TMEM63B: variants seen among roughly 807,000 people sequenced by gnomAD.
TMEM63B encodes mechanosensitive cation channel TMEM63B.
Under a neutral mutation model 102.6 loss-of-function variants are expected in TMEM63B, and 23 were observed. The ratio of observed to expected loss-of-function variants is 0.22; its 90% CI spans 0.16 to 0.32. TMEM63B has a LOEUF of 0.32. Among genes scored for constraint, TMEM63B ranks in the 10% least tolerant of loss-of-function variants. The pLI is 1.00. For missense variants in TMEM63B, 628 were observed against 1,095.9 expected (o/e 0.57, Z 6.03); for synonymous variants, 444 against 437.0 (o/e 1.02, Z -0.20).
rs1766271869 is a variant in TMEM63B, at chr6:44,150,048, G to A, written c.1520+83G>A. ...TCTCTGGGCAGCACTTTGCCCTTCA[G>A]GCTCCTGGCCCTGGGCAGTCCCACA... On this transcript the variant is annotated intron_variant, in intron 16 of 23. Transcript: ENST00000323267. This position sits in a 1 kb window ranked among gnomAD's most constrained non-coding sequence, Gnocchi z 4.7. 1.4e-6 allele frequency: 2 copies of A among 1,458,194 alleles called. No homozygotes were observed. The highest frequency in any genetic ancestry group is 1.9e-6 in the Non-Finnish European group (2 of 1,059,132). 90.3% of individuals were successfully genotyped at this position (1,458,194 alleles called of 1,614,324 possible). A position where few individuals can be genotyped will look rare whatever the true frequency, so the allele number is the denominator to read the frequency against.
intron 18 of TMEM63B, among the ~76,000 whole-genome samples, chr6:44,151,476 G>A (rs1251078781): frequency 6.6e-6 from 1 of 152,078 alleles, no homozygotes; most frequent in Admixed American, 6.5e-5. Flanking sequence ...GGGGTAACTC[G>A]AGTTATGGTC....
chr6:44,153,565 G>A, intron 20 of TMEM63B, 111 bp from the exon 21 acceptor site: 1 of 1,322,616 alleles, frequency 7.6e-7, no homozygotes, highest in Non-Finnish European at 1.0e-6. Context: ...GCCCGGGCAG[G>A]AGGAGGGGGC....
At chr6:44,140,509 A>G (rs1764010663) in intron 9 of TMEM63B, 149 bp downstream of exon 9, 3 of 707,166 alleles carry the variant, frequency 4.2e-6, no homozygotes, top group Non-Finnish European at 7.7e-6. Context: ...CAAGTTACAT[A>G]ACCTCCCAAG....
At chr6:44,141,626 C>G (rs1333733073) in intron 10 of TMEM63B, among the ~76,000 whole-genome samples, 1 of 152,138 alleles carries the variant, frequency 6.6e-6, no homozygotes, top group African/African-American at 2.4e-5. Flanking sequence ...AGGGAACTTA[C>G]CTGGTCACCC....
At chr6:44,154,499 C>T (rs1767600056) in intron 23 of TMEM63B, 54 bp downstream of exon 23, 16 of 1,604,410 alleles carry the variant, frequency 1.0e-5, no homozygotes, top group Non-Finnish European at 1.3e-5. Context: ...CCTCAAAGCC[C>T]AGTGTTCCCT....
intron 5 of TMEM63B, 97 bp from the exon 6 acceptor site, chr6:44,138,383 C>A: frequency 6.7e-7 from 1 of 1,486,754 alleles, no homozygotes; most frequent in Non-Finnish European, 9.4e-7. Flanking sequence ...GGAAGCTATG[C>A]CTGGAGGTAA....
chr6:44,147,171 C>T (rs1359893844), intron 11 of TMEM63B, among the ~76,000 whole-genome samples: 2 of 152,170 alleles, frequency 1.3e-5, no homozygotes, highest in African/African-American at 4.8e-5. Flanking sequence ...TCTTTGGCTA[C>T]AGTATGAGAA....
At chr6:44,129,424 C>T (rs1777874117) in intron 1 of TMEM63B, among the ~76,000 whole-genome samples, 1 of 151,876 alleles carries the variant, frequency 6.6e-6, no homozygotes, top group African/African-American at 2.4e-5. Context: ...ACTACCACCT[C>T]CTTACAAGTT....
chr6:44,152,079 G>A lies in TMEM63B; in HGVS notation c.1836+71G>A, dbSNP rs1173555027. 3 of 1,505,340 alleles carry A rather than the reference G, an allele frequency of 2.0e-6. No homozygotes were observed. The highest frequency in any genetic ancestry group is 1.2e-5 in the South Asian group (1 of 81,590). 93.2% of individuals were successfully genotyped at this position (1,505,340 alleles called of 1,614,324 possible). On this transcript the variant is annotated intron_variant, in intron 19 of 23. Coordinates refer to ENST00000323267, the MANE Select transcript of TMEM63B (RefSeq NM_018426.3). The surrounding 1 kb of genome is among the most constrained non-coding windows in gnomAD (Gnocchi z 6.4). ...GGCCCAACAAGAAACAGCAGCCATC[G>A]CGCTAGGGTTGAGGGGCACAGGAGG...
chr6:44,139,045 C>G (rs377125329), intron 6 of TMEM63B: 26 of 257,306 alleles, frequency 1.0e-4, no homozygotes, highest in South Asian at 7.9e-4. Flanking sequence ...ATCCTTCCTT[C>G]ACTTCTGCCT....
upstream of TMEM63B, chr6:44,127,152 T>TCCCCTCCCCGTCGGCACC (rs1777196917): frequency 9.2e-6 from 1 of 108,806 alleles, no homozygotes; most frequent in Non-Finnish European, 2.2e-5. Flanking sequence ...GTAAGGGGCC[T>TCCCCTCCCCGTCGGCACC]CCCCTCCCCG....
chr6:44,141,917 T>C (rs1369268290), intron 10 of TMEM63B, among the ~76,000 whole-genome samples: 1 of 146,774 alleles, frequency 6.8e-6, no homozygotes, highest in African/African-American at 2.5e-5. Context: ...AGCCCAGGAG[T>C]TGAAGACCAG....
At chr6:44,147,237 C>A in intron 11 of TMEM63B, 140 bp from the exon 12 acceptor site, 1 of 1,402,920 alleles carries the variant, frequency 7.1e-7, no homozygotes, top group Non-Finnish European at 9.8e-7. Context: ...GTGGGGAGAC[C>A]TTGGGATGTG....
At chr6:44,146,732 T>G (rs1582809275) in intron 10 of TMEM63B, 115 bp from the exon 11 acceptor site, 2 of 1,093,170 alleles carry the variant, frequency 1.8e-6, no homozygotes, top group East Asian at 4.9e-5. Flanking sequence ...ATTACAGATG[T>G]GAGCCACCAC....
In TMEM63B at chr6:44,134,567, C is replaced by T; in HGVS notation, c.-18C>T. ...TGCTCCACCCTCTGCCCAGGAGGACCATGCGGCAGTAGCAGCCATGCTGCC... is the reference window on the plus strand; with the variant it reads ...TGCTCCACCCTCTGCCCAGGAGGACTATGCGGCAGTAGCAGCCATGCTGCC... On this transcript the variant is annotated 5_prime_UTR_variant, in exon 2 of 24. Coordinates refer to ENST00000323267, the MANE Select transcript of TMEM63B (RefSeq NM_018426.3). 1 of 1,612,878 alleles carries T rather than the reference C, an allele frequency of 6.2e-7. No homozygotes were observed.
At chr6:44,135,645 G>T (rs1762789633) in intron 4 of TMEM63B, among the ~76,000 whole-genome samples, 1 of 152,284 alleles carries the variant, frequency 6.6e-6, no homozygotes, top group East Asian at 1.9e-4. Flanking sequence ...GGCTGGAGGG[G>T]AGGGGCTGTC....
chr6:44,128,079 G>A (rs1206288272), intron 1 of TMEM63B, among the ~76,000 whole-genome samples: 1 of 151,948 alleles, frequency 6.6e-6, no homozygotes, highest in East Asian at 1.9e-4. Flanking sequence ...AGCCGCCCCC[G>A]CCCCCGAGTT....
In TMEM63B at chr6:44,152,574, C is replaced by CCTGA. The variant is rs760922125; in HGVS notation, c.1837-19_1837-18insCTGA. The stretch of plus-strand genomic sequence containing the variant: ...GTCCCTGCCTCCCTGAGCCATCCTC[C>CCTGA]TGCCCGTCTCCCCCCCAGCATCAGG... On this transcript the variant is annotated intron_variant, in intron 19 of 23. Transcript: ENST00000323267. This position sits in a 1 kb window ranked among gnomAD's most constrained non-coding sequence, Gnocchi z 6.4. 3.5e-5 allele frequency: 56 copies of CCTGA among 1,600,686 alleles called. No homozygotes were observed. The Admixed American group carries it at 7.2e-4, about 20-fold the overall frequency.
intron 5 of TMEM63B, 193 bp from the exon 6 acceptor site, chr6:44,138,287 G>T: frequency 3.5e-6 from 2 of 572,380 alleles, no homozygotes; most frequent in South Asian, 2.1e-5. Flanking sequence ...TTTTTTCTTT[G>T]AGGGCTGAGA....
Sources: gnomAD v4.1 joint callset for allele counts (sites outside exome capture counted in the v4.1 genomes callset) on GRCh38, gnomAD v4.1.1 for gene constraint, Gnocchi (gnomAD v3.1) non-coding constraint, MANE v1.5 for transcripts, NCBI Gene and HGNC (gene_info 2026-07-23, HGNC 2026-07-21) for gene names.